The following GLIS3 variants were observed in gnomAD, a reference collection of about 807,000 sequenced individuals.
GLIS3 encodes GLIS family zinc finger 3.
Under a neutral mutation model 78.6 loss-of-function variants are expected in GLIS3, and 53 were observed. That is an observed-to-expected ratio of 0.67 (90% CI 0.54 to 0.85). The LOEUF (loss-of-function observed/expected upper bound fraction) is 0.85, where lower values mean the gene tolerates loss of function less well. Ranked by LOEUF, GLIS3 falls within the 40% of genes least tolerant of loss-of-function variation. GLIS3 has a pLI of 0.00. For synonymous variants in GLIS3, 684 were observed against 509.9 expected (o/e 1.34, Z -4.60); for missense variants, 1,703 against 1,231.1 (o/e 1.38, Z -5.74).
At chr9:4,390,296 G>A in the GLIS3 span, among the ~76,000 whole-genome samples, 1 of 152,164 alleles carries the variant, frequency 6.6e-6, no homozygotes, top group African/African-American at 2.4e-5. Context: ...ACTATGTGCA[G>A]GAAAGAGCAT....
the GLIS3 span, among the ~76,000 whole-genome samples, chr9:4,451,420 G>A: frequency 6.6e-6 from 1 of 152,164 alleles, no homozygotes; most frequent in Non-Finnish European, 1.5e-5. Flanking sequence ...ACACCCCACT[G>A]TCAATATTAG....
At chr9:4,450,119 C>T in the GLIS3 span, among the ~76,000 whole-genome samples, 4 of 152,216 alleles carry the variant, frequency 2.6e-5, no homozygotes, top group South Asian at 2.1e-4. Flanking sequence ...AGATGAATGG[C>T]TAACTAAAAT....
At chr9:4,380,825 C>T in the GLIS3 span, among the ~76,000 whole-genome samples, 1 of 152,116 alleles carries the variant, frequency 6.6e-6, no homozygotes, top group Non-Finnish European at 1.5e-5. Flanking sequence ...GCAAGACCCT[C>T]CCAAGAATAG....
At chr9:4,470,317 G>A in the GLIS3 span, among the ~76,000 whole-genome samples, 6 of 152,172 alleles carry the variant, frequency 3.9e-5, no homozygotes, top group East Asian at 7.7e-4. Flanking sequence ...ATAATTTTAG[G>A]CCAATATCCC....
At chr9:4,075,329 G>A (rs937614288) in intron 4 of GLIS3, among the ~76,000 whole-genome samples, 10 of 151,776 alleles carry the variant, frequency 6.6e-5, no homozygotes, top group Non-Finnish European at 5.9e-5. Context: ...AGCACTTTGG[G>A]AGGCTGAGGT....
intron 2 of GLIS3, among the ~76,000 whole-genome samples, chr9:4,162,652 C>T (rs182128133): frequency 1.3e-5 from 2 of 151,794 alleles, no homozygotes; most frequent in Non-Finnish European, 2.9e-5. Flanking sequence ...GAGGTCAGAT[C>T]GAGACCATCC....
At chr9:3,944,337 C>G (rs1294754439) in intron 4 of GLIS3, among the ~76,000 whole-genome samples, 1 of 152,176 alleles carries the variant, frequency 6.6e-6, no homozygotes, top group African/African-American at 2.4e-5. Flanking sequence ...AATGGAACCT[C>G]ATCATGGGCA....
At chr9:4,433,390 C>G in the GLIS3 span, among the ~76,000 whole-genome samples, 1 of 152,072 alleles carries the variant, frequency 6.6e-6, no homozygotes, top group Non-Finnish European at 1.5e-5. Context: ...AGAGATCGCA[C>G]CACTTCACTC....
the GLIS3 span, among the ~76,000 whole-genome samples, chr9:4,433,031 T>C: frequency 6.6e-6 from 1 of 152,300 alleles, no homozygotes; most frequent in Non-Finnish European, 1.5e-5. Flanking sequence ...TCCCAGGTGT[T>C]TATAACCCTT....
At chr9:4,036,718 TA>T (rs1373609437) in intron 4 of GLIS3, among the ~76,000 whole-genome samples, 13 of 152,252 alleles carry the variant, frequency 8.5e-5, no homozygotes, top group African/African-American at 3.1e-4. Context: ...ACTCCCAAAT[TA>T]ATTCCCACCA....
intron 4 of GLIS3, among the ~76,000 whole-genome samples, chr9:4,039,137 T>C (rs1361679174): frequency 6.6e-6 from 1 of 152,196 alleles, no homozygotes; most frequent in Non-Finnish European, 1.5e-5. Flanking sequence ...AGGACTCTTT[T>C]CACACCTAGG....
chr9:3,911,875 C>T (rs372675565), intron 6 of GLIS3, among the ~76,000 whole-genome samples: 1 of 152,118 alleles, frequency 6.6e-6, no homozygotes, highest in South Asian at 2.1e-4. Context: ...GCACTGTTAT[C>T]ACTCCGTAAC....
intron 9 of GLIS3, 140 bp from the exon 10 acceptor site, chr9:3,829,632 C>G (rs1390860855): frequency 1.3e-5 from 10 of 776,170 alleles, no homozygotes; most frequent in South Asian, 1.2e-4. Flanking sequence ...TAGAATCTTC[C>G]AAGCAAACAT....
At chr9:3,852,990 C>G (rs1039049424) in intron 9 of GLIS3, among the ~76,000 whole-genome samples, 2 of 152,202 alleles carry the variant, frequency 1.3e-5, no homozygotes, top group African/African-American at 4.8e-5. Context: ...AGGAGGATCA[C>G]TTGAGCCCAA....
chr9:4,225,230 G>C (rs1821670311), intron 2 of GLIS3, among the ~76,000 whole-genome samples: 1 of 152,032 alleles, frequency 6.6e-6, no homozygotes. Flanking sequence ...AACTGCAAAA[G>C]GTTGACTCTC....
At chr9:4,401,960 T>A in the GLIS3 span, among the ~76,000 whole-genome samples, 2 of 152,098 alleles carry the variant, frequency 1.3e-5, no homozygotes, top group Non-Finnish European at 2.9e-5. Context: ...GAGAACCAGC[T>A]TAGCTATAGT....
chr9:4,444,461 T>C, the GLIS3 span, among the ~76,000 whole-genome samples: 13 of 152,222 alleles, frequency 8.5e-5, no homozygotes, highest in African/African-American at 3.1e-4. Context: ...AGAATGATAA[T>C]CTCCTGGCTC....
chr9:4,197,235 C>T (rs866072017), intron 2 of GLIS3, among the ~76,000 whole-genome samples: 1 of 152,180 alleles, frequency 6.6e-6, no homozygotes, highest in Admixed American at 6.5e-5. Flanking sequence ...GTTGCCCCAC[C>T]TTCCCTATGC....
At chr9:4,329,966 T>C (rs1817661470) in intron 2 of GLIS3, among the ~76,000 whole-genome samples, 1 of 149,654 alleles carries the variant, frequency 6.7e-6, no homozygotes, top group African/African-American at 2.5e-5. Context: ...TTAATTTCAA[T>C]TAATCTTTGT....
Sources: allele counts gnomAD v4.1 joint callset (sites outside exome capture counted in the v4.1 genomes callset), GRCh38; gene constraint gnomAD v4.1.1; transcripts MANE v1.5; gene names NCBI Gene and HGNC (gene_info 2026-07-23, HGNC 2026-07-21).